The following SYN3 variants were observed in gnomAD, a reference collection of about 807,000 sequenced individuals.
The protein encoded by SYN3 is synapsin III.
SYN3 carries 35 observed loss-of-function variants against 65.8 expected under a neutral mutation model. The ratio of observed to expected loss-of-function variants is 0.53; its 90% confidence interval spans 0.41 to 0.70. SYN3 has a LOEUF of 0.70. Among genes scored for constraint, SYN3 ranks in the 30% least tolerant of loss-of-function variants. The pLI is 0.00. For synonymous variants in SYN3, 270 were observed against 292.9 expected (o/e 0.92, Z 0.80); for missense variants, 680 against 749.0 (o/e 0.91, Z 1.08).
chr22:32,916,056 G>A (rs892330717), intron 4 of SYN3, among the ~76,000 whole-genome samples: 4 of 152,156 alleles, frequency 2.6e-5, no homozygotes, highest in Admixed American at 1.3e-4. Context: ...CTTGTAATGT[G>A]CCCTCTTGAA....
At chr22:32,878,862 G>C (rs545265632) in intron 4 of SYN3, among the ~76,000 whole-genome samples, 72 of 152,292 alleles carry the variant, frequency 4.7e-4, no homozygotes, top group Admixed American at 1.8e-3. Flanking sequence ...TAAGCAAATG[G>C]GGCCCAGTCT....
At chr22:32,598,642 T>C (rs1288467025) in intron 6 of SYN3, among the ~76,000 whole-genome samples, 1 of 152,148 alleles carries the variant, frequency 6.6e-6, no homozygotes, top group African/African-American at 2.4e-5. Context: ...TGTGCCACCA[T>C]GCCTGGCTAA....
chr22:32,881,030 C>G (rs117139527), intron 4 of SYN3, among the ~76,000 whole-genome samples: 1 of 152,180 alleles, frequency 6.6e-6, no homozygotes, highest in African/African-American at 2.4e-5. Context: ...CTGGGGCAGC[C>G]CTGCTCTCCG....
chr22:32,711,614 T>C (rs2060966831), intron 6 of SYN3, among the ~76,000 whole-genome samples: 1 of 152,194 alleles, frequency 6.6e-6, no homozygotes, highest in Non-Finnish European at 1.5e-5. Flanking sequence ...TGTGCACCTG[T>C]ACTCAAAATA....
intron 1 of SYN3, among the ~76,000 whole-genome samples, chr22:33,024,788 G>A (rs1464825434): frequency 6.6e-6 from 1 of 152,184 alleles, no homozygotes; most frequent in African/African-American, 2.4e-5. Context: ...ATTTACATAA[G>A]CTGCTTAGAA....
chr22:32,985,304 G>A (rs1280379892), intron 2 of SYN3, among the ~76,000 whole-genome samples: 1 of 152,210 alleles, frequency 6.6e-6, no homozygotes, highest in Non-Finnish European at 1.5e-5. Flanking sequence ...CCTGTGCCTA[G>A]TGGGTGCTGT....
rs908167894 is a variant in SYN3, at chr22:32,508,266, T to C, written c.*5426A>G. The stretch of plus-strand genomic sequence containing the variant: ...TGATTAACCCTGTAAATTTCCTTCT[T>C]CTGGCTCAGAAGCTCCCGCACTGAG... On this transcript the variant is annotated 3_prime_UTR_variant, in exon 14 of 14. Coordinates refer to ENST00000358763, the MANE Select transcript of SYN3 (RefSeq NM_003490.4). Among the ~76,000 whole-genome samples, 115 of 152,262 alleles carry C rather than the reference T, an allele frequency of 7.6e-4. No homozygotes were observed. Among genetic ancestry groups the C allele is most frequent in the Middle Eastern group, 3.4e-3 (1 of 294 alleles).
chr22:32,541,723 AGGATGAGGG>A lies in SYN3; in HGVS notation c.775-19_775-11del, dbSNP rs2058258746. ...GGTTTTCCACTTTGATCTGTGTGGG[AGGATGAGGG>A]GGATGAGTGCCACCCACCCCGTGTT... On this transcript the variant is annotated splice_polypyrimidine_tract_variant and intron_variant, in intron 7 of 13. Transcript: ENST00000358763. 1.1e-5 allele frequency: 18 copies of A among 1,612,532 alleles called. No homozygotes were observed. The highest frequency in any genetic ancestry group is 1.5e-5 in the Non-Finnish European group (18 of 1,179,248).
chr22:32,788,199 A>G lies in SYN3; in HGVS notation c.711+76716T>C, dbSNP rs567070007. On this transcript the variant is annotated intron_variant, in intron 6 of 13. Transcript: ENST00000358763. Reference sequence around the variant, plus strand: ...ATTCAACCAACCGTGGATGGAAAACATTTGGAAAAAACAAACAATAAAAAA... The same window carrying G: ...ATTCAACCAACCGTGGATGGAAAACGTTTGGAAAAAACAAACAATAAAAAA... 8.9e-4 allele frequency among the ~76,000 whole-genome samples: 136 copies of G among 152,240 alleles called. 1 individual carries two copies. Among genetic ancestry groups the G allele is most frequent in the Non-Finnish European group, 1.7e-3 (114 of 68,020 alleles).
At chr22:33,045,757 T>A (rs927198712) in intron 1 of SYN3, among the ~76,000 whole-genome samples, 1 of 152,068 alleles carries the variant, frequency 6.6e-6, no homozygotes, top group Non-Finnish European at 1.5e-5. Context: ...AGAAATTCTT[T>A]TTTAACCACT....
At chr22:32,893,712 T>C (rs539985557) in intron 4 of SYN3, among the ~76,000 whole-genome samples, 4 of 152,110 alleles carry the variant, frequency 2.6e-5, no homozygotes, top group Non-Finnish European at 5.9e-5. Flanking sequence ...TGGAATAGAA[T>C]GCCCTCCTCT....
In SYN3 at chr22:32,618,595, G is replaced by A. The variant is rs890344382; in HGVS notation, c.712-21859C>T. 9.2e-5 allele frequency among the ~76,000 whole-genome samples: 14 copies of A among 152,264 alleles called. No individual in the cohort carries two copies. The Middle Eastern group carries it at 0.01, about 111-fold the overall frequency. On this transcript the variant is annotated intron_variant, in intron 6 of 13. Coordinates refer to ENST00000358763, the MANE Select transcript of SYN3 (RefSeq NM_003490.4). ...CCCTTTCATTCTGAAAATGTGTGGCGTGCCAGAAGGCCTTTGGACGGAATG... is the reference window on the plus strand; with the variant it reads ...CCCTTTCATTCTGAAAATGTGTGGCATGCCAGAAGGCCTTTGGACGGAATG...
chr22:32,954,099 C>CAACAA (rs199873334), intron 3 of SYN3, among the ~76,000 whole-genome samples: 4,517 of 145,330 alleles, frequency 0.031, 91 homozygotes, highest in East Asian at 0.054. Context: ...TACCCACACC[C>CAACAA]AACAAAACAA....
In SYN3 at chr22:32,637,745, C is replaced by T. The variant is rs143628154; in HGVS notation, c.712-41009G>A. Among the ~76,000 whole-genome samples the T allele has an allele frequency of 6.0e-3, 903 of 149,884 alleles. 12 individuals carry two copies. Among genetic ancestry groups the T allele is most frequent in the African/African-American group, 0.02 (832 of 41,026 alleles). ...TTCTGCTTCCAAGGCTTAAGCGACT[C>T]TCCTGCCTCAGCCTCTTGAGTAGCT... is the stretch of plus-strand genomic sequence containing the variant. On this transcript the variant is annotated intron_variant, in intron 6 of 13. Coordinates refer to ENST00000358763, the MANE Select transcript of SYN3 (RefSeq NM_003490.4).
At chr22:32,943,927 G>C (rs576432195) in intron 3 of SYN3, among the ~76,000 whole-genome samples, 2 of 152,246 alleles carry the variant, frequency 1.3e-5, no homozygotes, top group East Asian at 3.9e-4. Context: ...GCCCAACACA[G>C]GAGCACCCAG....
At chr22:32,717,284 G>C (rs1352581784) in intron 6 of SYN3, among the ~76,000 whole-genome samples, 1 of 152,210 alleles carries the variant, frequency 6.6e-6, no homozygotes, top group Non-Finnish European at 1.5e-5. Context: ...CTAAGATTCA[G>C]TAAGAAGAAA....
At chr22:32,761,308 A>C (rs976429208) in intron 6 of SYN3, among the ~76,000 whole-genome samples, 1 of 152,174 alleles carries the variant, frequency 6.6e-6, no homozygotes, top group Admixed American at 6.6e-5. Context: ...TTTTATGAGG[A>C]GCAGGAGCCC....
At chr22:32,889,956 T>C (rs2049396812) in intron 4 of SYN3, among the ~76,000 whole-genome samples, 1 of 151,874 alleles carries the variant, frequency 6.6e-6, no homozygotes, top group Non-Finnish European at 1.5e-5. Flanking sequence ...CTTTACTAGA[T>C]GGCCAGTTTC....
chr22:32,993,642 C>T (rs2052791361), intron 2 of SYN3, among the ~76,000 whole-genome samples: 1 of 152,222 alleles, frequency 6.6e-6, no homozygotes, highest in South Asian at 2.1e-4. Flanking sequence ...CCATGCCCGG[C>T]CCAAAGTCTA....
Sources: gnomAD v4.1 joint callset for allele counts (sites outside exome capture counted in the v4.1 genomes callset) on GRCh38, gnomAD v4.1.1 for gene constraint, MANE v1.5 for transcripts, NCBI Gene and HGNC (gene_info 2026-07-23, HGNC 2026-07-21) for gene names.